FGF12: variants seen among roughly 807,000 people sequenced by gnomAD.
FGF12 encodes fibroblast growth factor 12.
FGF12 carries 14 observed loss-of-function variants against 23.6 expected under a neutral mutation model. The observed-to-expected ratio is 0.59, with a 90% CI of 0.39 to 0.93. FGF12 has a LOEUF of 0.93. Ranked by LOEUF, FGF12 falls within the 40% of genes least tolerant of loss-of-function variation. FGF12 has a pLI of 0.00. For missense variants in FGF12, 175 were observed against 217.8 expected, an observed-to-expected ratio of 0.80 and a Z score of 1.24; for synonymous variants, 62 against 77.3, an observed-to-expected ratio of 0.80 and a Z score of 1.04.
chr3:192,244,860 C>A (rs1425929366), intron 4 of FGF12: 2 of 152,154 alleles, frequency 1.3e-5, no homozygotes, highest in Admixed American at 1.3e-4. Flanking sequence ...ACCTTACTGA[C>A]CCAGAGCCCT....
rs890439341 is a variant in FGF12, at chr3:192,309,464, T to A, written c.228+25897A>T. Among the ~76,000 whole-genome samples, 57 of 152,176 alleles carry A rather than the reference T, an allele frequency of 3.7e-4. 1 individual carries two copies. Among genetic ancestry groups the A allele is most frequent in the African/African-American group, 1.3e-3 (53 of 41,432 alleles). The stretch of plus-strand genomic sequence containing the variant: ...TTGCAGGAAACTGGAAGATGGGAAC[T>A]GGAAGATAAGTCGGACACAGCCTTT... On this transcript the variant is annotated intron_variant, in intron 4 of 5. Coordinates refer to ENST00000445105, the MANE Select transcript of FGF12 (RefSeq NM_004113.6).
intron 2 of FGF12, among the ~76,000 whole-genome samples, chr3:192,494,841 C>CATATATATATATATATATAT (rs60656064): frequency 7.3e-5 from 11 of 150,352 alleles, no homozygotes; most frequent in African/African-American, 2.5e-4. Context: ...AGGGCCTATG[C>CATATATATATATATATATAT]ATATATATAT....
chr3:192,189,848 C>T (rs1485405265), intron 4 of FGF12, among the ~76,000 whole-genome samples: 1 of 152,106 alleles, frequency 6.6e-6, no homozygotes, highest in Non-Finnish European at 1.5e-5. Flanking sequence ...ACTAATATAC[C>T]GACCAAAGAG....
At chr3:192,624,568 G>A (rs543904353) in intron 2 of FGF12, among the ~76,000 whole-genome samples, 148 of 152,146 alleles carry the variant, frequency 9.7e-4, no homozygotes, top group Admixed American at 3.3e-3. Context: ...CTTCAATGCT[G>A]CAAAGCTTTA....
chr3:192,213,160 TC>T (rs1468061299), intron 4 of FGF12, among the ~76,000 whole-genome samples: 1 of 152,184 alleles, frequency 6.6e-6, no homozygotes, highest in Non-Finnish European at 1.5e-5. Flanking sequence ...CACTCTTCCT[TC>T]CCCCTTGTAA....
chr3:192,254,875 T>C (rs1324534396), intron 4 of FGF12, among the ~76,000 whole-genome samples: 4 of 152,092 alleles, frequency 2.6e-5, no homozygotes, highest in Non-Finnish European at 5.9e-5. Flanking sequence ...TGAACACATA[T>C]AAAACTCCTT....
At chr3:192,635,909 T>G (rs1376511098) in intron 2 of FGF12, among the ~76,000 whole-genome samples, 1 of 152,190 alleles carries the variant, frequency 6.6e-6, no homozygotes, top group Middle Eastern at 3.2e-3. Flanking sequence ...CAAGTCTTAA[T>G]TGATGATGTC....
intron 4 of FGF12, among the ~76,000 whole-genome samples, chr3:192,215,173 T>C (rs552865639): frequency 2.6e-5 from 4 of 152,322 alleles, no homozygotes; most frequent in African/African-American, 9.6e-5. Context: ...CTCTGCTGAA[T>C]CCTGTTTCCT....
At chr3:192,628,326 T>C (rs959201204) in intron 2 of FGF12, among the ~76,000 whole-genome samples, 3 of 150,946 alleles carry the variant, frequency 2.0e-5, no homozygotes, top group East Asian at 1.9e-4. Flanking sequence ...ATACAGGTTC[T>C]TGTGGGAATA....
At chr3:192,589,545 C>A (rs1713537195) in intron 2 of FGF12, among the ~76,000 whole-genome samples, 1 of 151,776 alleles carries the variant, frequency 6.6e-6, no homozygotes, top group South Asian at 2.1e-4. Flanking sequence ...TCATCAAATT[C>A]TATCAACTTA....
At chr3:192,450,253 C>G (rs1191335799) in intron 2 of FGF12, among the ~76,000 whole-genome samples, 1 of 152,130 alleles carries the variant, frequency 6.6e-6, no homozygotes, top group African/African-American at 2.4e-5. Context: ...CATTTTATAG[C>G]AATCTCCTTC....
intron 2 of FGF12, among the ~76,000 whole-genome samples, chr3:192,392,556 A>G (rs1021411251): frequency 7.0e-6 from 1 of 142,872 alleles, no homozygotes; most frequent in African/African-American, 2.6e-5. Flanking sequence ...AGATTGCGCC[A>G]TTGCACTCCA....
At chr3:192,385,869 A>G (rs1358646415) in intron 2 of FGF12, among the ~76,000 whole-genome samples, 3 of 152,194 alleles carry the variant, frequency 2.0e-5, no homozygotes, top group African/African-American at 4.8e-5. Flanking sequence ...GCTCCAGGTA[A>G]ACATGCCCCC....
At chr3:192,626,684 C>T (rs1312028677) in intron 2 of FGF12, among the ~76,000 whole-genome samples, 1 of 152,174 alleles carries the variant, frequency 6.6e-6, no homozygotes, top group South Asian at 2.1e-4. Context: ...GCTATCATAG[C>T]TCCCTGCAGC....
intron 2 of FGF12, among the ~76,000 whole-genome samples, chr3:192,458,827 C>T (rs1212847585): frequency 6.6e-6 from 1 of 152,012 alleles, no homozygotes; most frequent in Non-Finnish European, 1.5e-5. Flanking sequence ...TCGCTGTGTC[C>T]CCACCCAAAT....
chr3:192,218,257 T>C (rs1311237151), intron 4 of FGF12, among the ~76,000 whole-genome samples: 1 of 152,170 alleles, frequency 6.6e-6, no homozygotes, highest in Non-Finnish European at 1.5e-5. Context: ...TTGTGGCATG[T>C]GGGAAATAAG....
intron 2 of FGF12, among the ~76,000 whole-genome samples, chr3:192,585,642 G>A (rs1033860488): frequency 6.6e-6 from 1 of 152,018 alleles, no homozygotes; most frequent in Non-Finnish European, 1.5e-5. Flanking sequence ...CTGAGGAGGG[G>A]TTGCGTGACA....
rs1713302980 is a variant in FGF12, at chr3:192,140,377, A to G, written c.*3632T>C. 1 of 152,052 alleles carries G rather than the reference A, an allele frequency of 6.6e-6. No homozygotes were observed. The highest frequency in any genetic ancestry group is 6.5e-5 in the Admixed American group (1 of 15,272). The allele number at this position is 152,052 out of a possible 1,614,324, so 9.4% of individuals were successfully genotyped here. On this transcript the variant is annotated 3_prime_UTR_variant, in exon 6 of 6. Transcript: ENST00000445105. ...TCTTGTGCAGATGAAATTAAGCAATATCATGGAAAACCTTCTCAAGAGCAA... is the reference window on the plus strand; with the variant it reads ...TCTTGTGCAGATGAAATTAAGCAATGTCATGGAAAACCTTCTCAAGAGCAA...
chr3:192,486,007 A>C (rs1723623269), intron 2 of FGF12, among the ~76,000 whole-genome samples: 1 of 152,146 alleles, frequency 6.6e-6, no homozygotes, highest in African/African-American at 2.4e-5. Flanking sequence ...AAATAACCTA[A>C]GTTGACAGTG....
Sources: allele counts gnomAD v4.1 joint callset (sites outside exome capture counted in the v4.1 genomes callset), GRCh38; gene constraint gnomAD v4.1.1; transcripts MANE v1.5; gene names NCBI Gene and HGNC (gene_info 2026-07-23, HGNC 2026-07-21).